The following EGFR variants were observed in gnomAD, a reference collection of about 807,000 sequenced individuals.
EGFR encodes the protein epidermal growth factor receptor.
Under a neutral mutation model 143.0 loss-of-function variants are expected in EGFR, and 58 were observed. The observed-to-expected ratio is 0.41, with a 90% CI of 0.33 to 0.50. The LOEUF (loss-of-function observed/expected upper bound fraction) is 0.50, where lower values mean the gene tolerates loss of function less well. Among genes scored for constraint, EGFR ranks in the 20% least tolerant of loss-of-function variants. The pLI is 0.39. For missense variants in EGFR, 1,307 were observed against 1,579.0 expected (o/e 0.83, Z 2.92); for synonymous variants, 613 against 594.4 (o/e 1.03, Z -0.45).
At chr7:55,111,161 G>A (rs1328919401) in intron 1 of EGFR, among the ~76,000 whole-genome samples, 3 of 152,152 alleles carry the variant, frequency 2.0e-5, no homozygotes, top group African/African-American at 7.2e-5. Flanking sequence ...CGCGGTGTGT[G>A]CTCTCTCTGC....
intron 1 of EGFR, among the ~76,000 whole-genome samples, chr7:55,061,279 G>A (rs1052414122): frequency 1.3e-5 from 2 of 152,138 alleles, no homozygotes; most frequent in Non-Finnish European, 2.9e-5. Flanking sequence ...CCCCGGGAAG[G>A]CTCCAGGCCT....
At chr7:55,203,342 CAT>C (rs1398257902) in intron 27 of EGFR, among the ~76,000 whole-genome samples, 2 of 145,994 alleles carry the variant, frequency 1.4e-5, no homozygotes, top group Non-Finnish European at 3.0e-5. Context: ...CGTATACACA[CAT>C]ATATACACAC....
At chr7:55,059,619 T>C (rs1437534764) in intron 1 of EGFR, among the ~76,000 whole-genome samples, 1 of 152,044 alleles carries the variant, frequency 6.6e-6, no homozygotes, top group African/African-American at 2.4e-5. Flanking sequence ...CTTCCCCACC[T>C]GCTCACTCCT....
chr7:55,134,972 A>G (rs1372423992), intron 1 of EGFR, among the ~76,000 whole-genome samples: 1 of 152,160 alleles, frequency 6.6e-6, no homozygotes, highest in African/African-American at 2.4e-5. Flanking sequence ...AACTGGCTAG[A>G]GATCATCCCA....
At position 55,152,290 on chromosome 7, in the gene EGFR, A is replaced by C; in HGVS notation, c.629-256A>C. The C allele has an allele frequency of 9.1e-6, 6 of 658,802 alleles. No individual in the cohort carries two copies. The East Asian group carries it at 9.1e-5, about 10-fold the overall frequency. The allele number at this position is 658,802 out of a possible 1,614,324, so 40.8% of individuals were successfully genotyped here. ...TTGTATGTGCTTTCTGCATTGCCCAAGATGCATCTAATTATTTAGCAGGTC... is the reference window on the plus strand; with the variant it reads ...TTGTATGTGCTTTCTGCATTGCCCACGATGCATCTAATTATTTAGCAGGTC... On this transcript the variant is annotated intron_variant, in intron 5 of 27. Coordinates refer to ENST00000275493, the MANE Select transcript of EGFR (RefSeq NM_005228.5).
chr7:55,143,600 C>T, intron 3 of EGFR, 112 bp downstream of exon 3: 4 of 1,220,582 alleles, frequency 3.3e-6, no homozygotes, highest in Non-Finnish European at 3.5e-6. Context: ...TTATTTTTAC[C>T]CAGTACACGT....
intron 22 of EGFR, among the ~76,000 whole-genome samples, chr7:55,194,629 G>C (rs200595210): frequency 1.3e-5 from 2 of 152,142 alleles, no homozygotes; most frequent in African/African-American, 4.8e-5. Context: ...CAACTCTCCC[G>C]TCCACCAGGT....
intron 1 of EGFR, among the ~76,000 whole-genome samples, chr7:55,083,313 T>A (rs907271414): frequency 1.3e-5 from 2 of 152,272 alleles, no homozygotes; most frequent in Non-Finnish European, 2.9e-5. Context: ...AGAATGTATT[T>A]CAATCATCAT....
intron 6 of EGFR, among the ~76,000 whole-genome samples, chr7:55,153,244 C>G (rs555267619): frequency 6.6e-6 from 1 of 152,224 alleles, no homozygotes; most frequent in Admixed American, 6.5e-5. Context: ...CACTGTCGCC[C>G]CATTGCTCCA....
At position 55,169,403 on chromosome 7, in the gene EGFR, A is replaced by C. The variant is rs112167235; in HGVS notation, c.1881-1772A>C. On this transcript the variant is annotated intron_variant, in intron 15 of 27. Transcript: ENST00000275493. ...GTGAGCCACTGCGCCCAGCAGGAATATCTATTTTTAAATGGAACTGTGTTT... is the reference window on the plus strand; with the variant it reads ...GTGAGCCACTGCGCCCAGCAGGAATCTCTATTTTTAAATGGAACTGTGTTT... Among the ~76,000 whole-genome samples the C allele has an allele frequency of 5.4e-3, 820 of 152,304 alleles. 3 individuals are homozygous for C. The highest frequency in any genetic ancestry group is 0.019 in the African/African-American group (793 of 41,576).
intron 1 of EGFR, among the ~76,000 whole-genome samples, chr7:55,095,241 C>T (rs576586328): frequency 1.3e-5 from 2 of 152,320 alleles, no homozygotes; most frequent in East Asian, 3.9e-4. Flanking sequence ...ACTGGCCCTC[C>T]ACCATGTGAC....
Position 55,205,719 on chromosome 7 carries a change from T to C in EGFR, c.*102T>C, listed in dbSNP as rs1788084569. ...CCAACAGCCATGCCCGCATTAGCTC[T>C]TAGACCCACAGACTGGTTTTGCAAC... On this transcript the variant is annotated 3_prime_UTR_variant, in exon 28 of 28. Coordinates refer to ENST00000275493, the MANE Select transcript of EGFR (RefSeq NM_005228.5). The C allele has an allele frequency of 6.3e-7, 1 of 1,590,322 alleles. No homozygotes were observed. Among genetic ancestry groups the C allele is most frequent in the South Asian group, 1.1e-5 (1 of 89,784 alleles).
intron 1 of EGFR, among the ~76,000 whole-genome samples, chr7:55,027,990 AAATATATATATATATATATATAT>A (rs1336410994): frequency 3.1e-5 from 2 of 64,902 alleles, no homozygotes; most frequent in Admixed American, 1.8e-4. Context: ...AAAAAAAAAA[AAATATATATATATATATATATAT>A]ATATATATAT....
At chr7:55,203,192 G>GCACACACATATA (rs1787933719) in intron 27 of EGFR, 1 of 218,888 alleles carries the variant, frequency 4.6e-6, no homozygotes, top group African/African-American at 2.5e-5. Context: ...ACATACACAT[G>GCACACACATATA]CACACACATA....
intron 1 of EGFR, among the ~76,000 whole-genome samples, chr7:55,049,929 C>G (rs1788390694): frequency 6.6e-6 from 1 of 152,150 alleles, no homozygotes; most frequent in Non-Finnish European, 1.5e-5. Context: ...TTCCAAAACA[C>G]ACATGGCATC....
rs1268849684 is a variant in EGFR, at chr7:55,207,341, A to G, written c.*1724A>G. On this transcript the variant is annotated 3_prime_UTR_variant, in exon 28 of 28. Coordinates refer to ENST00000275493, the MANE Select transcript of EGFR (RefSeq NM_005228.5). Reference sequence around the variant, plus strand: ...AAACTATATTCATTTCCACTCTATTATGCTCTCAAATACCCCTAAGCATCT... The same window carrying G: ...AAACTATATTCATTTCCACTCTATTGTGCTCTCAAATACCCCTAAGCATCT... 1 of 229,190 alleles carries G rather than the reference A, an allele frequency of 4.4e-6. No individual in the cohort carries two copies. Among genetic ancestry groups the G allele is most frequent in the Non-Finnish European group, 8.6e-6 (1 of 115,656 alleles). The allele number at this position is 229,190 out of a possible 1,614,324, so 14.2% of individuals were successfully genotyped here.
At chr7:55,063,336 C>T (rs928331837) in intron 1 of EGFR, among the ~76,000 whole-genome samples, 1 of 152,032 alleles carries the variant, frequency 6.6e-6, no homozygotes, top group Non-Finnish European at 1.5e-5. Flanking sequence ...TAGGTTCAGG[C>T]TCTTATTTTA....
At chr7:55,163,070 G>A (rs1785786611) in intron 13 of EGFR, among the ~76,000 whole-genome samples, 1 of 152,144 alleles carries the variant, frequency 6.6e-6, no homozygotes, top group South Asian at 2.1e-4. Context: ...GGGATTATAG[G>A]CATAAGCCAC....
intron 17 of EGFR, among the ~76,000 whole-genome samples, chr7:55,173,614 A>G (rs1354464594): frequency 6.6e-6 from 1 of 152,262 alleles, no homozygotes; most frequent in Non-Finnish European, 1.5e-5. Context: ...ACCGCCATGC[A>G]CAACTTCCCT....
Sources: allele counts gnomAD v4.1 joint callset (sites outside exome capture counted in the v4.1 genomes callset), GRCh38; gene constraint gnomAD v4.1.1; transcripts MANE v1.5; gene names NCBI Gene and HGNC (gene_info 2026-07-23, HGNC 2026-07-21).